BSN: variants seen among roughly 807,000 people sequenced by gnomAD.
BSN encodes the protein bassoon presynaptic cytomatrix protein.
In BSN, 57 loss-of-function variants were observed where a neutral mutation model predicts 264.8. That is an observed-to-expected ratio of 0.22 (90% CI 0.17 to 0.27). The LOEUF (loss-of-function observed/expected upper bound fraction) is 0.27, where lower values mean the gene tolerates loss of function less well. Ranked by LOEUF, BSN falls within the 10% of genes least tolerant of loss-of-function variation. The pLI is 1.00. For synonymous variants in BSN, 2,059 were observed against 2,137.3 expected (o/e 0.96, Z 1.01); for missense variants, 4,615 against 5,232.5 (o/e 0.88, Z 3.64).
chr3:49,664,626 A>T (rs2052697748), intron 9 of BSN, 72 bp downstream of exon 9: 1 of 1,548,634 alleles, frequency 6.5e-7, no homozygotes, highest in Non-Finnish European at 8.7e-7. Flanking sequence ...AGATGATTCC[A>T]GACTCAGTCA....
chr3:49,625,007 TG>T lies in BSN; in HGVS notation c.260del (p.Gly87ValfsTer45). On this transcript the variant is annotated frameshift_variant, in exon 2 of 12. Coordinates refer to ENST00000296452, the MANE Select transcript of BSN (RefSeq NM_003458.4). LOFTEE classifies it high-confidence loss of function. This position sits in a 1 kb window ranked among gnomAD's most constrained non-coding sequence, Gnocchi z 4.4. The part of the protein sequence containing the change: ...TSRRLDPKEP[L>X]GNQRAASPTP... ...CGGAGACTGGACCCCAAGGAACCCCTGGGTAACCAGAGAGCAGCTTCCCCAA... is the reference window on the plus strand; with the variant it reads ...CGGAGACTGGACCCCAAGGAACCCCTGGTAACCAGAGAGCAGCTTCCCCAA... 1 of 1,551,958 alleles carries T rather than the reference TG, an allele frequency of 6.4e-7. No individual in the cohort carries two copies. Among genetic ancestry groups the T allele is most frequent in the Non-Finnish European group, 8.7e-7 (1 of 1,153,048 alleles).
intron 1 of BSN, among the ~76,000 whole-genome samples, chr3:49,613,348 G>GAGAGAGAGAGAGA (rs1448553549): frequency 1.3e-5 from 2 of 148,796 alleles, no homozygotes; most frequent in South Asian, 4.3e-4. Flanking sequence ...GAGAGAGAGA[G>GAGAGAGAGAGAGA]AAGGGCTGGC....
At position 49,606,165 on chromosome 3, in the gene BSN, C is replaced by T. The variant is rs1225058466; in HGVS notation, c.225-18810C>T. On this transcript the variant is annotated intron_variant, in intron 1 of 11. Transcript: ENST00000296452. ...ATTATATATGTATATATTATATATACATATATTATATATGTATATATATTA... is the reference window on the plus strand; with the variant it reads ...ATTATATATGTATATATTATATATATATATATTATATATGTATATATATTA... Among the ~76,000 whole-genome samples the T allele has an allele frequency of 7.8e-4, 23 of 29,364 alleles. No individual in the cohort carries two copies. In the South Asian group the frequency reaches 0.015, roughly 20 times the overall value. The allele number at this position is 29,364 out of a possible 152,430, so 19.3% of individuals were successfully genotyped here. A position where few individuals can be genotyped will look rare whatever the true frequency, so the allele number is the denominator to read the frequency against.
Position 49,651,391 on chromosome 3 carries a change from A to G in BSN, c.1987-152A>G. 1 of 858,024 alleles carries G rather than the reference A, an allele frequency of 1.2e-6. No individual in the cohort carries two copies. The highest frequency in any genetic ancestry group is 1.7e-6 in the Non-Finnish European group (1 of 571,532). 53.2% of individuals were successfully genotyped at this position (858,024 alleles called of 1,614,324 possible). A position where few individuals can be genotyped will look rare whatever the true frequency, so the allele number is the denominator to read the frequency against. ...TTGCCATGGAACCTTCAGGTTATTCAAGGCCAGAAGGAGATAGGGTGGGTG... is the reference window on the plus strand; with the variant it reads ...TTGCCATGGAACCTTCAGGTTATTCGAGGCCAGAAGGAGATAGGGTGGGTG... On this transcript the variant is annotated intron_variant, in intron 4 of 11. Coordinates refer to ENST00000296452, the MANE Select transcript of BSN (RefSeq NM_003458.4). This position sits in a 1 kb window ranked among gnomAD's most constrained non-coding sequence, Gnocchi z 5.4.
chr3:49,664,037 A>T, intron 8 of BSN, 151 bp downstream of exon 8: 1 of 787,356 alleles, frequency 1.3e-6, no homozygotes, highest in East Asian at 2.7e-5. Flanking sequence ...CCCAGCAGAA[A>T]ACAAGCCTGG....
intron 1 of BSN, among the ~76,000 whole-genome samples, chr3:49,595,894 G>GT (rs2052018956): frequency 6.6e-6 from 1 of 151,878 alleles, no homozygotes; most frequent in Non-Finnish European, 1.5e-5. Flanking sequence ...CAAATATATA[G>GT]TTTTTCCAAG....
At chr3:49,636,766 T>C (rs1172098231) in intron 2 of BSN, among the ~76,000 whole-genome samples, 1 of 152,242 alleles carries the variant, frequency 6.6e-6, no homozygotes, top group Non-Finnish European at 1.5e-5. Flanking sequence ...CTGTGGTACC[T>C]GCTTCCTAAG....
chr3:49,602,689 A>G (rs927261669), intron 1 of BSN, among the ~76,000 whole-genome samples: 3 of 152,124 alleles, frequency 2.0e-5, no homozygotes, highest in African/African-American at 7.2e-5. Context: ...CAAGTGATCC[A>G]TCCGCTTGGC....
Position 49,625,074 on chromosome 3 carries a change from C to A in BSN, c.324C>A (p.Ser108Arg). 6.2e-7 allele frequency: 1 copy of A among 1,606,698 alleles called. No homozygotes were observed. Among genetic ancestry groups the A allele is most frequent in the African/African-American group, 1.3e-5 (1 of 74,626 alleles). The change falls in exon 2 of 12, where the codon AGC becomes AGA. Residue 108 changes from serine (S) to arginine (R), a missense_variant. Transcript: ENST00000296452. The surrounding 1 kb of genome is among the most constrained non-coding windows in gnomAD (Gnocchi z 4.4). ...QASATTPGHE[S>R]PRETRAQGPA... The stretch of plus-strand genomic sequence containing the variant: ...CTGCTACCACTCCTGGCCATGAGAG[C>A]CCCCGAGAGACAAGGGCACAGGGAC...
chr3:49,591,467 G>T (rs1380145148), intron 1 of BSN, among the ~76,000 whole-genome samples: 3 of 152,120 alleles, frequency 2.0e-5, no homozygotes. Context: ...CTTGCTTTCT[G>T]CCTAAATAAC....
chr3:49,628,190 G>A (rs370193907), intron 2 of BSN, among the ~76,000 whole-genome samples: 2 of 152,210 alleles, frequency 1.3e-5, no homozygotes, highest in African/African-American at 4.8e-5. Flanking sequence ...CTTTGTTCAT[G>A]TGTGTCACTA....
At chr3:49,604,430 A>G (rs1287032399) in intron 1 of BSN, among the ~76,000 whole-genome samples, 1 of 152,130 alleles carries the variant, frequency 6.6e-6, no homozygotes, top group African/African-American at 2.4e-5. Context: ...TATGAATTTG[A>G]CAATTCTAGG....
In BSN at chr3:49,658,055, T is replaced by C. The variant is rs2052625619; in HGVS notation, c.8499T>C (p.Ala2833=). 1 of 1,613,368 alleles carries C rather than the reference T, an allele frequency of 6.2e-7. No individual in the cohort carries two copies. Among genetic ancestry groups the C allele is most frequent in the Non-Finnish European group, 8.5e-7 (1 of 1,179,948 alleles). The part of the protein sequence containing the change: ...SPQKHFTADS[A]LRQQTLPRPM... ...AGAAGCACTTCACGGCTGACAGCGC[T>C]CTCCGCCAGCAGACGCTGCCTCGCC... is the stretch of plus-strand genomic sequence containing the variant. Residue 2833 remains alanine (A), a synonymous_variant, in exon 5 of 12, where the codon GCT becomes GCC. Coordinates refer to ENST00000296452, the MANE Select transcript of BSN (RefSeq NM_003458.4).
rs868255626 is a variant in BSN at position 49,638,914 on chromosome 3, G to T, written c.634-3354G>T. On this transcript the variant is annotated intron_variant, in intron 2 of 11. Coordinates refer to ENST00000296452, the MANE Select transcript of BSN (RefSeq NM_003458.4). This position sits in a 1 kb window ranked among gnomAD's most constrained non-coding sequence, Gnocchi z 4.3. ...GGTGAATGAGAGAGATGGGACGTTG[G>T]GTGTGGGCTGGGCACCCACGGGAAG... 6.6e-6 allele frequency among the ~76,000 whole-genome samples: 1 copy of T among 152,176 alleles called. No individual in the cohort carries two copies. The highest frequency in any genetic ancestry group is 1.9e-4 in the East Asian group (1 of 5,170).
intron 1 of BSN, among the ~76,000 whole-genome samples, chr3:49,596,770 G>A (rs997843152): frequency 6.6e-6 from 1 of 152,112 alleles, no homozygotes. Context: ...AAGTGATCAT[G>A]CTGTCTCAGC....
intron 5 of BSN, among the ~76,000 whole-genome samples, chr3:49,659,543 C>G (rs2052636504): frequency 6.6e-6 from 1 of 152,124 alleles, no homozygotes; most frequent in African/African-American, 2.4e-5. Context: ...GGAGTCACTT[C>G]CCAGTATATA....
At chr3:49,665,963 C>T (rs1559620749) in intron 11 of BSN, among the ~76,000 whole-genome samples, 1 of 152,394 alleles carries the variant, frequency 6.6e-6, no homozygotes, top group East Asian at 1.9e-4. Context: ...TTCCTGGAGC[C>T]TGTCCTGGCC....
Position 49,662,437 on chromosome 3 carries a change from T to C in BSN, c.10592T>C (p.Phe3531Ser). The change falls in exon 6 of 12, where the codon TTC (phenylalanine) becomes TCC (serine). Residue 3531 changes from phenylalanine to serine, a missense_variant. Phe to Ser is a radical substitution (Grantham distance 155, BLOSUM62 -2). Around this residue, in one of 3 missense-constraint regions of BSN, gnomAD observed 3,415 missense variants for 3,866.4 expected, o/e 0.88. Coordinates refer to ENST00000296452, the MANE Select transcript of BSN (RefSeq NM_003458.4). Reference protein sequence around the residue: ...LPPGGDTCPQFCSSHSMPDVQ... With the variant: ...LPPGGDTCPQSCSSHSMPDVQ... Reference sequence around the variant, plus strand: ...CCCGGCGGGGATACCTGCCCACAGTTCTGCTCCAGCCACTCCATGCCTGAT... The same window carrying C: ...CCCGGCGGGGATACCTGCCCACAGTCCTGCTCCAGCCACTCCATGCCTGAT... 3 of 1,613,466 alleles carry C rather than the reference T, an allele frequency of 1.9e-6. No individual in the cohort carries two copies. Among genetic ancestry groups the C allele is most frequent in the East Asian group, 2.2e-5 (1 of 44,874 alleles).
At chr3:49,567,902 T>C (rs998163737) in intron 1 of BSN, among the ~76,000 whole-genome samples, 3 of 152,118 alleles carry the variant, frequency 2.0e-5, no homozygotes, top group Non-Finnish European at 4.4e-5. Context: ...TGTTTGAGAG[T>C]CGATGCTGGC....
Sources: allele counts gnomAD v4.1 joint callset (sites outside exome capture counted in the v4.1 genomes callset), GRCh38; gene constraint gnomAD v4.1.1; regional missense constraint gnomAD v4.1.1; non-coding constraint Gnocchi (gnomAD v3.1); transcripts MANE v1.5; gene names NCBI Gene and HGNC (gene_info 2026-07-23, HGNC 2026-07-21).